Variants in PTPRT observed in about 807,000 individuals in gnomAD.
The protein encoded by PTPRT is receptor-type tyrosine-protein phosphatase T.
Under a neutral mutation model 176.8 loss-of-function variants are expected in PTPRT, and 56 were observed. The observed-to-expected ratio is 0.32, with a 90% CI of 0.26 to 0.40. PTPRT has a LOEUF of 0.40. Ranked by LOEUF, PTPRT falls within the 10% of genes least tolerant of loss-of-function variation. PTPRT has a pLI of 1.00. For synonymous variants in PTPRT, 783 were observed against 739.0 expected (o/e 1.06, Z -0.96); for missense variants, 1,540 against 1,908.2 (o/e 0.81, Z 3.60).
chr20:42,339,441 A>G (rs1244381671), intron 11 of PTPRT, among the ~76,000 whole-genome samples: 1 of 152,196 alleles, frequency 6.6e-6, no homozygotes, highest in Non-Finnish European at 1.5e-5. Flanking sequence ...GAGAGACATG[A>G]GAGATCCAAA....
chr20:42,129,231 C>A (rs1170287874), intron 18 of PTPRT, among the ~76,000 whole-genome samples: 1 of 152,180 alleles, frequency 6.6e-6, no homozygotes, highest in African/African-American at 2.4e-5. Flanking sequence ...TTAAAAACAG[C>A]AAGTTTACCT....
chr20:42,548,840 A>G lies in PTPRT; in HGVS notation c.1154-76278T>C, dbSNP rs569508652. Reference sequence around the variant, plus strand: ...GTCAATAAAGAAGAGGGAAGGCAAAATATTAAGGAGCATTGGACTGATGCT... The same window carrying G: ...GTCAATAAAGAAGAGGGAAGGCAAAGTATTAAGGAGCATTGGACTGATGCT... On this transcript the variant is annotated intron_variant, in intron 7 of 30. Coordinates refer to ENST00000373187, the MANE Select transcript of PTPRT (RefSeq NM_007050.6). Among the ~76,000 whole-genome samples the G allele has an allele frequency of 2.0e-5, 3 of 152,290 alleles. No homozygotes were observed. The South Asian group carries it at 6.2e-4, about 32-fold the overall frequency.
intron 2 of PTPRT, among the ~76,000 whole-genome samples, chr20:42,824,374 C>T (rs1283432620): frequency 4.0e-5 from 6 of 151,542 alleles, no homozygotes; most frequent in African/African-American, 1.5e-4. Context: ...GAATTAAATA[C>T]CTAGTAAAGC....
intron 11 of PTPRT, among the ~76,000 whole-genome samples, chr20:42,323,591 T>A (rs1274641597): frequency 6.6e-6 from 1 of 151,650 alleles, no homozygotes; most frequent in Non-Finnish European, 1.5e-5. Context: ...AAGGGGAACA[T>A]CACACTCTGG....
intron 7 of PTPRT, among the ~76,000 whole-genome samples, chr20:42,640,591 G>A (rs1158422319): frequency 4.6e-5 from 7 of 151,980 alleles, no homozygotes; most frequent in Non-Finnish European, 8.8e-5. Flanking sequence ...TTTTCACCAT[G>A]TTGGCCAGGC....
chr20:42,440,567 T>A (rs982704230), intron 9 of PTPRT, among the ~76,000 whole-genome samples: 3 of 151,166 alleles, frequency 2.0e-5, no homozygotes, highest in African/African-American at 7.3e-5. Flanking sequence ...AAGATCCGCC[T>A]CCCAGGTTCA....
chr20:42,685,426 G>A (rs2075675832), intron 6 of PTPRT: 1 of 152,214 alleles, frequency 6.6e-6, no homozygotes, highest in Non-Finnish European at 1.5e-5. Context: ...GAGTCTAGAA[G>A]AGGAGCATGA....
intron 2 of PTPRT, among the ~76,000 whole-genome samples, chr20:42,845,321 TA>T (rs1299272215): frequency 6.6e-6 from 1 of 152,090 alleles, no homozygotes; most frequent in Non-Finnish European, 1.5e-5. Flanking sequence ...GCCTTCTCTG[TA>T]AAATGGGAGT....
At chr20:42,927,289 T>G (rs1243240371) in intron 1 of PTPRT, among the ~76,000 whole-genome samples, 1 of 152,076 alleles carries the variant, frequency 6.6e-6, no homozygotes, top group African/African-American at 2.4e-5. Flanking sequence ...GGGCTGGGTG[T>G]GGTGGTGCAC....
At chr20:42,174,193 T>C (rs1038518811) in intron 16 of PTPRT, among the ~76,000 whole-genome samples, 23 of 152,168 alleles carry the variant, frequency 1.5e-4, no homozygotes, top group Non-Finnish European at 3.1e-4. Flanking sequence ...ATAAATAGCA[T>C]ATGCAAAAGA....
chr20:42,705,695 A>G (rs1216113612), intron 6 of PTPRT, among the ~76,000 whole-genome samples: 7 of 152,088 alleles, frequency 4.6e-5, no homozygotes, highest in Non-Finnish European at 1.0e-4. Context: ...GCACTTCCTC[A>G]TTACCTTGTC....
intron 18 of PTPRT, among the ~76,000 whole-genome samples, chr20:42,131,733 A>G (rs1369560096): frequency 6.6e-6 from 1 of 152,200 alleles, no homozygotes; most frequent in East Asian, 1.9e-4. Flanking sequence ...GAGTTTGTCA[A>G]TTTAGTGGAG....
At chr20:42,366,590 C>A (rs924448505) in intron 9 of PTPRT, among the ~76,000 whole-genome samples, 4 of 152,208 alleles carry the variant, frequency 2.6e-5, no homozygotes, top group Non-Finnish European at 4.4e-5. Flanking sequence ...CATGCCCCTA[C>A]AAGCAATGCC....
intron 1 of PTPRT, among the ~76,000 whole-genome samples, chr20:43,009,387 A>G (rs1202356161): frequency 6.6e-6 from 1 of 152,160 alleles, no homozygotes; most frequent in African/African-American, 2.4e-5. Context: ...TACTGGGGTA[A>G]AGGCCTATCA....
At chr20:42,877,970 G>A (rs1327570165) in intron 2 of PTPRT, among the ~76,000 whole-genome samples, 1 of 152,326 alleles carries the variant, frequency 6.6e-6, no homozygotes, top group East Asian at 1.9e-4. Flanking sequence ...CAACCATCAA[G>A]TCATGGGCAA....
the PTPRT span, among the ~76,000 whole-genome samples, chr20:42,056,842 T>C: frequency 1.3e-5 from 2 of 152,316 alleles, no homozygotes; most frequent in South Asian, 2.1e-4. Flanking sequence ...CCTGAAGTAA[T>C]GCCTAACACA....
chr20:43,105,500 G>C (rs985742763), intron 1 of PTPRT, among the ~76,000 whole-genome samples: 1 of 151,954 alleles, frequency 6.6e-6, no homozygotes, highest in South Asian at 2.1e-4. Context: ...TCCTGGGTTC[G>C]AGTGTTTCTC....
intron 6 of PTPRT, among the ~76,000 whole-genome samples, chr20:42,683,271 T>TTTTTGTTTTGTTTTGTTTTG (rs11267321): frequency 0.22 from 33,353 of 149,278 alleles, 4,057 homozygotes; most frequent in African/African-American, 0.28. Flanking sequence ...TTACTTGTTT[T>TTTTTGTTTTGTTTTGTTTTG]TTTTGTTTTG....
At chr20:42,311,068 T>G (rs1300597454) in intron 12 of PTPRT, among the ~76,000 whole-genome samples, 1 of 152,222 alleles carries the variant, frequency 6.6e-6, no homozygotes. Flanking sequence ...ATTTAATGAC[T>G]GACTTCCACA....
Sources: allele counts gnomAD v4.1 joint callset (sites outside exome capture counted in the v4.1 genomes callset), GRCh38; gene constraint gnomAD v4.1.1; transcripts MANE v1.5; gene names NCBI Gene and HGNC (gene_info 2026-07-23, HGNC 2026-07-21).